GABRR1: variants seen among roughly 807,000 people sequenced by gnomAD.
GABRR1 encodes the protein gamma-aminobutyric acid type A receptor subunit rho1.
A neutral mutation model predicts 55.5 loss-of-function variants in GABRR1; 59 were observed. The observed-to-expected ratio is 1.06, with a 90% confidence interval of 0.86 to 1.32. GABRR1 has a LOEUF of 1.32. Ranked by LOEUF, GABRR1 falls within the 40% of genes most tolerant of loss-of-function variation. The probability of loss-of-function intolerance (pLI) is 0.00; values close to 1 mark genes in which losing one functional copy is unlikely to be tolerated. For missense variants in GABRR1, 602 were observed against 619.1 expected (o/e 0.97, Z 0.29); for synonymous variants, 213 against 226.0 (o/e 0.94, Z 0.51).
chr6:89,193,088 A>G (rs1365626966), intron 5 of GABRR1, among the ~76,000 whole-genome samples: 3 of 152,054 alleles, frequency 2.0e-5, no homozygotes, highest in Admixed American at 2.0e-4. Context: ...TGTCCTAAGC[A>G]TTGGGTTCTG....
chr6:89,225,781 G>A (rs1204178459), intron 1 of GABRR1, among the ~76,000 whole-genome samples: 1,681 of 123,642 alleles, frequency 0.014, 17 homozygotes, highest in Non-Finnish European at 0.015. Context: ...TATATACCCA[G>A]TAATGGGATG....
intron 1 of GABRR1, among the ~76,000 whole-genome samples, chr6:89,212,398 A>G (rs1772854295): frequency 7.2e-6 from 1 of 138,658 alleles, no homozygotes. Context: ...CTGGTGTTCC[A>G]TCATGCTGCT....
intron 5 of GABRR1, among the ~76,000 whole-genome samples, chr6:89,197,665 T>C (rs1335537648): frequency 1.3e-5 from 2 of 152,182 alleles, no homozygotes; most frequent in Non-Finnish European, 2.9e-5. Flanking sequence ...AAGAACTTTT[T>C]TTTAACCAAA....
intron 6 of GABRR1, among the ~76,000 whole-genome samples, chr6:89,188,416 T>A (rs1465470305): frequency 6.6e-6 from 1 of 152,188 alleles, no homozygotes; most frequent in East Asian, 1.9e-4. Context: ...TTTGTTCACA[T>A]CCTCCCCAGA....
intron 1 of GABRR1, among the ~76,000 whole-genome samples, chr6:89,225,439 A>G (rs1283758889): frequency 9.3e-6 from 1 of 107,232 alleles, no homozygotes; most frequent in Non-Finnish European, 1.8e-5. Flanking sequence ...CACAGTCCCC[A>G]GAGTGTGATA....
At chr6:89,223,275 C>T (rs1375714802) in intron 1 of GABRR1, among the ~76,000 whole-genome samples, 2 of 152,188 alleles carry the variant, frequency 1.3e-5, no homozygotes, top group African/African-American at 4.8e-5. Context: ...GCTTAGCTCC[C>T]ACTTATGAGT....
At chr6:89,223,216 C>T (rs551240225) in intron 1 of GABRR1, among the ~76,000 whole-genome samples, 7 of 152,236 alleles carry the variant, frequency 4.6e-5, no homozygotes, top group Admixed American at 2.6e-4. Context: ...ACCCTTTCCC[C>T]GAGTCCTCTA....
intron 3 of GABRR1, 99 bp from the exon 4 acceptor site, chr6:89,199,528 C>A: frequency 8.8e-7 from 1 of 1,131,128 alleles, no homozygotes; most frequent in South Asian, 1.3e-5. Context: ...ACCTCAATGT[C>A]ATATCAGATT....
intron 1 of GABRR1, among the ~76,000 whole-genome samples, chr6:89,211,477 C>T (rs889816593): frequency 2.0e-5 from 3 of 152,082 alleles, no homozygotes; most frequent in African/African-American, 7.2e-5. Context: ...TTCTACTCTC[C>T]TCAACCCTCT....
intron 5 of GABRR1, among the ~76,000 whole-genome samples, chr6:89,196,828 A>AAAAG (rs1450443939): frequency 1.1e-5 from 1 of 88,708 alleles, no homozygotes; most frequent in Non-Finnish European, 2.4e-5. Flanking sequence ...AGAAGGAAAG[A>AAAAG]AAGAAAGAAA....
rs1325683519 is a variant in GABRR1, at chr6:89,185,365, C to A, written c.741G>T (p.Gln247His). 2 of 1,613,888 alleles carry A rather than the reference C, an allele frequency of 1.2e-6. No homozygotes were observed. The highest frequency in any genetic ancestry group is 1.7e-6 in the Non-Finnish European group (2 of 1,179,830). The change falls in exon 7 of 10, where the codon CAG (glutamine) becomes CAT (histidine). Residue 247 changes from glutamine (Q) to histidine (H), a missense_variant. Physicochemically the swap from Gln to His is conservative, Grantham distance 24. This residue lies in a region of GABRR1 where 435 missense variants were observed against 424.2 expected (regional missense o/e 1.03). Coordinates refer to ENST00000454853, the MANE Select transcript of GABRR1 (RefSeq NM_002042.5). ...TGGTGTGGAATTCCTGAATGAGGAACTGGGAGAGTGAGATCCGTTCATCTG... is the reference window on the plus strand; with the variant it reads ...TGGTGTGGAATTCCTGAATGAGGAAATGGGAGAGTGAGATCCGTTCATCTG... ...LKTDERISLS[Q>H]FLIQEFHTTT...
rs1165476469 is a variant in GABRR1 at position 89,199,360 on chromosome 6, A to G, written c.348+2T>C. On this transcript the variant is annotated splice_donor_variant, in intron 4 of 9. Transcript: ENST00000454853. LOFTEE classifies it high-confidence loss of function. ...CACGGCCCTGGTCAGAGAAGCACTTACCATGTCAACCTCTGAGATGCTATC... is the reference window on the plus strand; with the variant it reads ...CACGGCCCTGGTCAGAGAAGCACTTGCCATGTCAACCTCTGAGATGCTATC... The G allele has an allele frequency of 6.2e-7, 1 of 1,613,694 alleles. No individual in the cohort carries two copies. The highest frequency in any genetic ancestry group is 8.5e-7 in the Non-Finnish European group (1 of 1,179,712).
At chr6:89,179,279 G>C (rs940136731) in intron 9 of GABRR1, among the ~76,000 whole-genome samples, 4 of 152,008 alleles carry the variant, frequency 2.6e-5, no homozygotes, top group Admixed American at 2.0e-4. Flanking sequence ...GCAATGGCAC[G>C]ATCAATCTCA....
At chr6:89,225,950 T>C (rs1773194107) in intron 1 of GABRR1, among the ~76,000 whole-genome samples, 1 of 149,408 alleles carries the variant, frequency 6.7e-6, no homozygotes, top group African/African-American at 2.5e-5. Context: ...TTTTAATGAT[T>C]GCCATTCTAA....
chr6:89,199,718 G>A (rs1044056732), intron 3 of GABRR1, among the ~76,000 whole-genome samples: 5 of 152,298 alleles, frequency 3.3e-5, no homozygotes, highest in Middle Eastern at 6.8e-3. Context: ...AGTAACTGAC[G>A]TCTTAGCATG....
chr6:89,208,201 A>G (rs1386126504), intron 1 of GABRR1, among the ~76,000 whole-genome samples: 1 of 152,230 alleles, frequency 6.6e-6, no homozygotes, highest in Non-Finnish European at 1.5e-5. Context: ...AACTTTCATT[A>G]ATTTAATGAG....
chr6:89,199,735 C>T (rs906961321), intron 3 of GABRR1, among the ~76,000 whole-genome samples: 1 of 152,154 alleles, frequency 6.6e-6, no homozygotes, highest in Non-Finnish European at 1.5e-5. Context: ...CATGAGGTCA[C>T]CCACATTATT....
At chr6:89,189,352 T>C (rs979178450) in intron 6 of GABRR1, among the ~76,000 whole-genome samples, 6 of 148,052 alleles carry the variant, frequency 4.1e-5, no homozygotes, top group East Asian at 3.9e-4. Flanking sequence ...TGAGTTCATG[T>C]CCTTTGTAGG....
chr6:89,195,108 A>G (rs1029619147), intron 5 of GABRR1, among the ~76,000 whole-genome samples: 13 of 152,188 alleles, frequency 8.5e-5, no homozygotes, highest in Non-Finnish European at 2.9e-5. Context: ...CTGAAAGGTC[A>G]AGAACAAAGA....
Sources: gnomAD v4.1 joint callset for allele counts (sites outside exome capture counted in the v4.1 genomes callset) on GRCh38, gnomAD v4.1.1 for gene constraint, gnomAD v4.1.1 regional missense constraint, MANE v1.5 for transcripts, NCBI Gene and HGNC (gene_info 2026-07-23, HGNC 2026-07-21) for gene names.